SUFU: variants seen among roughly 807,000 people sequenced by gnomAD.
The protein encoded by SUFU is SUFU negative regulator of hedgehog signaling.
Under a neutral mutation model 58.9 loss-of-function variants are expected in SUFU, and 7 were observed. That is an observed-to-expected ratio of 0.12 (90% confidence interval 0.07 to 0.22). The LOEUF is 0.22. Among genes scored for constraint, SUFU ranks in the 10% least tolerant of loss-of-function variants. The pLI, the probability that SUFU is intolerant of heterozygous loss-of-function variation, is 1.00. For missense variants in SUFU, 451 were observed against 641.3 expected, an observed-to-expected ratio of 0.70 and a Z score of 3.20; for synonymous variants, 232 against 254.8, an observed-to-expected ratio of 0.91 and a Z score of 0.85.
rs59877393 is a variant in SUFU at position 102,568,874 on chromosome 10, C to CAA, written c.454+18791_454+18792dup. On this transcript the variant is annotated intron_variant, in intron 3 of 11. Transcript: ENST00000369902. ...GGGCGACAAGAGCAAAACTCTGTCT[C>CAA]AAAAAAAAAAAAAAAAAAAAAAAAT... 2.6e-3 allele frequency among the ~76,000 whole-genome samples: 38 copies of CAA among 14,520 alleles called. 2 individuals carry two copies. Among genetic ancestry groups the CAA allele is most frequent in the African/African-American group, 3.8e-3 (11 of 2,904 alleles). 9.5% of individuals were successfully genotyped at this position (14,520 alleles called of 152,430 possible).
In SUFU at chr10:102,599,561, C is replaced by T; in HGVS notation, c.1022+17C>T. The T allele has an allele frequency of 1.2e-6, 2 of 1,609,864 alleles. No individual in the cohort carries two copies. Among genetic ancestry groups the T allele is most frequent in the Non-Finnish European group, 1.7e-6 (2 of 1,176,230 alleles). ...CCGGGCCCCGTAAGTTCCCCAGTGT[C>T]CCTGGGCTGGAACAAGAGGACGACT... On this transcript the variant is annotated intron_variant, in intron 8 of 11. Coordinates refer to ENST00000369902, the MANE Select transcript of SUFU (RefSeq NM_016169.4).
intron 3 of SUFU, among the ~76,000 whole-genome samples, chr10:102,580,339 T>A (rs1459388119): frequency 6.6e-6 from 1 of 152,188 alleles, no homozygotes; most frequent in Non-Finnish European, 1.5e-5. Context: ...GTGTTTATTT[T>A]TTTTGCTCCT....
intron 2 of SUFU, among the ~76,000 whole-genome samples, chr10:102,543,252 T>C (rs2062822689): frequency 2.0e-5 from 3 of 152,220 alleles, no homozygotes; most frequent in Admixed American, 1.3e-4. Flanking sequence ...TTTTTGCCAA[T>C]CTGATAGGTG....
chr10:102,518,730 A>G (rs2135658375), intron 2 of SUFU, among the ~76,000 whole-genome samples: 1 of 151,948 alleles, frequency 6.6e-6, no homozygotes, highest in East Asian at 2.0e-4. Flanking sequence ...TACTTTTTGT[A>G]GAGATTGGGT....
chr10:102,520,427 C>A (rs2062538177), intron 2 of SUFU, among the ~76,000 whole-genome samples: 1 of 151,706 alleles, frequency 6.6e-6, no homozygotes, highest in African/African-American at 2.4e-5. Flanking sequence ...ACCATGTTGG[C>A]CAGGCTGGTC....
At chr10:102,590,905 T>C (rs1355770036) in intron 3 of SUFU, 1 of 152,194 alleles carries the variant, frequency 6.6e-6, no homozygotes, top group East Asian at 1.9e-4. Flanking sequence ...TAGGGGTTTC[T>C]AGTTGGCTCT....
At chr10:102,588,123 G>A (rs986759298) in intron 3 of SUFU, among the ~76,000 whole-genome samples, 4 of 152,096 alleles carry the variant, frequency 2.6e-5, no homozygotes, top group African/African-American at 4.8e-5. Context: ...CAGGCTGGGC[G>A]CAGTGGCTCA....
chr10:102,599,416 T>G lies in SUFU; in HGVS notation c.911-17T>G. On this transcript the variant is annotated splice_polypyrimidine_tract_variant and intron_variant, in intron 7 of 11. Transcript: ENST00000369902. ...GAGCCCACTGGGCCACTGGGCAACT[T>G]AGTGGTGTCGTTGCAGACACAGAGC... is the stretch of plus-strand genomic sequence containing the variant. 1 of 1,596,972 alleles carries G rather than the reference T, an allele frequency of 6.3e-7. No homozygotes were observed. The highest frequency in any genetic ancestry group is 8.6e-7 in the Non-Finnish European group (1 of 1,164,532).
intron 5 of SUFU, 94 bp from the exon 6 acceptor site, chr10:102,593,899 C>T: frequency 6.7e-7 from 1 of 1,496,296 alleles, no homozygotes; most frequent in Non-Finnish European, 9.3e-7. Context: ...TCCCCTGTGT[C>T]CTAGGCCTGG....
At chr10:102,581,234 G>A (rs1045376809) in intron 3 of SUFU, among the ~76,000 whole-genome samples, 6 of 148,908 alleles carry the variant, frequency 4.0e-5, no homozygotes, top group Non-Finnish European at 7.4e-5. Context: ...ATTAGGCATG[G>A]GTTTTAGAAA....
intron 8 of SUFU, among the ~76,000 whole-genome samples, chr10:102,606,760 A>G (rs920427341): frequency 6.6e-6 from 1 of 152,132 alleles, no homozygotes; most frequent in Non-Finnish European, 1.5e-5. Context: ...TAGCTGAGAG[A>G]GGCATACTAA....
chr10:102,577,166 C>T (rs2063221234), intron 3 of SUFU, among the ~76,000 whole-genome samples: 1 of 150,122 alleles, frequency 6.7e-6, no homozygotes, highest in African/African-American at 2.5e-5. Context: ...TCACTGCAAC[C>T]TCCGCCTCCC....
At position 102,606,938 on chromosome 10, in the gene SUFU, A is replaced by C. The variant is rs556501523; in HGVS notation, c.1022+7394A>C. 2.6e-5 allele frequency among the ~76,000 whole-genome samples: 4 copies of C among 152,278 alleles called. No individual in the cohort carries two copies. In the East Asian group the frequency reaches 7.7e-4, roughly 29 times the overall value. On this transcript the variant is annotated intron_variant, in intron 8 of 11. Coordinates refer to ENST00000369902, the MANE Select transcript of SUFU (RefSeq NM_016169.4). The stretch of plus-strand genomic sequence containing the variant: ...GTATAGCAGGAATGAAAGGCAGCCA[A>C]CTCAGGTGGGAGCGGGTTGGAAGGA...
At position 102,628,004 on chromosome 10, in the gene SUFU, T is replaced by C. The variant is rs749624904; in HGVS notation, c.1365+761T>C. ...CAGTGCCCCATGGGTTAGTGAACTC[T>C]AGCAGGCTGGCCGGGCCTCTGGAGA... On this transcript the variant is annotated intron_variant, in intron 11 of 11. Transcript: ENST00000369902. This position sits in a 1 kb window ranked among gnomAD's most constrained non-coding sequence, Gnocchi z 4.5. Among the ~76,000 whole-genome samples, 5 of 152,198 alleles carry C rather than the reference T, an allele frequency of 3.3e-5. No homozygotes were observed. The highest frequency in any genetic ancestry group is 1.9e-4 in the East Asian group (1 of 5,190).
intron 8 of SUFU, among the ~76,000 whole-genome samples, chr10:102,610,479 G>A (rs2135917108): frequency 6.6e-6 from 1 of 152,126 alleles, no homozygotes; most frequent in South Asian, 2.1e-4. Flanking sequence ...GCGGGGTTTA[G>A]CAAGATGTTT....
At position 102,520,378 on chromosome 10, in the gene SUFU, C is replaced by T. The variant is rs372045857; in HGVS notation, c.317+11075C>T. On this transcript the variant is annotated intron_variant, in intron 2 of 11. Coordinates refer to ENST00000369902, the MANE Select transcript of SUFU (RefSeq NM_016169.4). ...GACTACAGGCACCCGCCACCACGCC[C>T]GGCTAATTTTTTTGTATGTTTAGTA... Among the ~76,000 whole-genome samples, 11 of 151,710 alleles carry T rather than the reference C, an allele frequency of 7.3e-5. No homozygotes were observed. In the South Asian group the frequency reaches 1.7e-3, roughly 23 times the overall value.
intron 8 of SUFU, among the ~76,000 whole-genome samples, chr10:102,601,692 A>G (rs940066534): frequency 9.2e-5 from 14 of 152,168 alleles, no homozygotes; most frequent in Non-Finnish European, 8.8e-5. Flanking sequence ...TTATCTCAGG[A>G]TCGATGATGA....
chr10:102,504,001 A>T lies in SUFU; in HGVS notation c.-152A>T. On this transcript the variant is annotated 5_prime_UTR_variant, in exon 1 of 12. Transcript: ENST00000369902. ...TCGGCGGCGGCGACAGCCTGGGCGGACAGTGCGCCGTGCGCAGGCGCGGAG... is the reference window on the plus strand; with the variant it reads ...TCGGCGGCGGCGACAGCCTGGGCGGTCAGTGCGCCGTGCGCAGGCGCGGAG... 8.9e-7 allele frequency: 1 copy of T among 1,123,294 alleles called. No individual in the cohort carries two copies. Among genetic ancestry groups the T allele is most frequent in the Non-Finnish European group, 1.2e-6 (1 of 844,446 alleles). 69.6% of individuals were successfully genotyped at this position (1,123,294 alleles called of 1,614,324 possible). A position where few individuals can be genotyped will look rare whatever the true frequency, so the allele number is the denominator to read the frequency against.
chr10:102,521,971 GTAAATGATTCTA>G (rs2062557127), intron 2 of SUFU, among the ~76,000 whole-genome samples: 1 of 152,164 alleles, frequency 6.6e-6, no homozygotes, highest in Non-Finnish European at 1.5e-5. Context: ...GATGATTTCT[GTAAATGATTCTA>G]TAAATAACTG....
Sources: gnomAD v4.1 joint callset for allele counts (sites outside exome capture counted in the v4.1 genomes callset) on GRCh38, gnomAD v4.1.1 for gene constraint, Gnocchi (gnomAD v3.1) non-coding constraint, MANE v1.5 for transcripts, NCBI Gene and HGNC (gene_info 2026-07-23, HGNC 2026-07-21) for gene names.